The following MALL variants were observed in gnomAD, a reference collection of about 807,000 sequenced individuals.
The protein encoded by MALL is MAL-like protein.
A neutral mutation model predicts 10.3 loss-of-function variants in MALL; 2 were observed. The ratio of observed to expected loss-of-function variants is 0.19; its 90% CI spans 0.08 to 0.61. MALL has a LOEUF of 0.61. Ranked by LOEUF, MALL falls within the 20% of genes least tolerant of loss-of-function variation. The probability of loss-of-function intolerance (pLI) is 0.88; values close to 1 mark genes in which losing one functional copy is unlikely to be tolerated. For missense variants in MALL, 39 were observed against 115.2 expected (o/e 0.34, Z 3.03); for synonymous variants, 27 against 51.8 (o/e 0.52, Z 2.05).
At chr2:110,099,660 C>A (rs1375796225) in intron 1 of MALL, among the ~76,000 whole-genome samples, 1 of 152,090 alleles carries the variant, frequency 6.6e-6, no homozygotes, top group Non-Finnish European at 1.5e-5. Flanking sequence ...CCATTAGGCT[C>A]ATCACGTTCC....
intron 1 of MALL, among the ~76,000 whole-genome samples, chr2:110,100,688 C>T (rs1266267692): frequency 6.6e-6 from 1 of 152,152 alleles, no homozygotes; most frequent in Non-Finnish European, 1.5e-5. Context: ...TCCTGCCCAC[C>T]CCTGGACCAT....
intron 1 of MALL, among the ~76,000 whole-genome samples, chr2:110,113,426 ACT>A (rs1391020106): frequency 1.6e-5 from 2 of 127,046 alleles, no homozygotes; most frequent in Admixed American, 1.8e-4. Flanking sequence ...CGACAGCGAG[ACT>A]CTGTCTCAAA....
At chr2:110,108,005 G>A (rs139305884) in intron 1 of MALL, among the ~76,000 whole-genome samples, 152 of 152,224 alleles carry the variant, frequency 1.0e-3, no homozygotes, top group Admixed American at 3.5e-3. Flanking sequence ...ACTACATCAG[G>A]GGAACACCCT....
intron 1 of MALL, among the ~76,000 whole-genome samples, chr2:110,096,206 G>C (rs1484987875): frequency 6.6e-6 from 1 of 152,118 alleles, no homozygotes; most frequent in Non-Finnish European, 1.5e-5. Context: ...GCTTGAACAG[G>C]TAAGGGAGGC....
chr2:110,116,698 A>T (rs1311925517), upstream of MALL: 1 of 152,310 alleles, frequency 6.6e-6, no homozygotes, highest in Admixed American at 6.5e-5. Context: ...ACCCAGAGGC[A>T]AGCAACTCCT....
chr2:110,109,955 C>T (rs1190001715), intron 1 of MALL, among the ~76,000 whole-genome samples: 1 of 152,076 alleles, frequency 6.6e-6, no homozygotes, highest in South Asian at 2.1e-4. Flanking sequence ...AATTAAATAA[C>T]CTGCTTCTGA....
chr2:110,116,936 C>T (rs1202857474), upstream of MALL, among the ~76,000 whole-genome samples: 1 of 152,100 alleles, frequency 6.6e-6, no homozygotes, highest in Non-Finnish European at 1.5e-5. Context: ...TTAGCAGAAA[C>T]GGTGAATGCC....
At chr2:110,111,702 C>T (rs1465610771) in intron 1 of MALL, among the ~76,000 whole-genome samples, 2 of 151,920 alleles carry the variant, frequency 1.3e-5, no homozygotes, top group Non-Finnish European at 2.9e-5. Context: ...CAGAATACCA[C>T]CATCATTCTT....
At chr2:110,108,625 T>C (rs750876890) in intron 1 of MALL, among the ~76,000 whole-genome samples, 1 of 152,168 alleles carries the variant, frequency 6.6e-6, no homozygotes, top group Non-Finnish European at 1.5e-5. Context: ...TTTGGAGGAA[T>C]GATCAAGGAA....
intron 1 of MALL, among the ~76,000 whole-genome samples, chr2:110,099,708 G>C (rs541424824): frequency 6.6e-6 from 1 of 152,110 alleles, no homozygotes; most frequent in Non-Finnish European, 1.5e-5. Flanking sequence ...CCTGGTCAAC[G>C]AGACAGAGGG....
rs1678777461 is a variant in MALL, at chr2:110,110,301, A to G, written c.105+5387T>C. On this transcript the variant is annotated intron_variant, in intron 1 of 3. Coordinates refer to ENST00000272462, the MANE Select transcript of MALL (RefSeq NM_005434.5). ...AAAAGCTGTTTCTTTGAAAAGATAA[A>G]TAAAATTAATAGACCATTAGCAAGA... Among the ~76,000 whole-genome samples the G allele has an allele frequency of 2.0e-5, 3 of 152,172 alleles. No homozygotes were observed. The South Asian group carries it at 6.2e-4, about 31-fold the overall frequency.
At chr2:110,116,156 G>A (rs1678919469), upstream of MALL, 2 of 207,806 alleles carry the variant, frequency 9.6e-6, no homozygotes, top group South Asian at 1.9e-4. Flanking sequence ...GCTTGGCTAC[G>A]AGGGCTGCGT....
intron 1 of MALL, among the ~76,000 whole-genome samples, chr2:110,095,907 T>G (rs1209805145): frequency 6.6e-6 from 1 of 152,162 alleles, no homozygotes; most frequent in East Asian, 1.9e-4. Flanking sequence ...TTGAGCTTCT[T>G]ACAGCTATGA....
intron 1 of MALL, among the ~76,000 whole-genome samples, chr2:110,113,417 G>T (rs1301913156): frequency 1.7e-5 from 2 of 120,490 alleles, no homozygotes; most frequent in Admixed American, 1.1e-4. Flanking sequence ...CAGCCTGGAC[G>T]ACAGCGAGAC....
chr2:110,117,183 C>A (rs1394796325), upstream of MALL, among the ~76,000 whole-genome samples: 2 of 152,100 alleles, frequency 1.3e-5, no homozygotes, highest in Admixed American at 6.5e-5. Context: ...CCAGTCTCAC[C>A]TACACCACCT....
chr2:110,097,585 G>A (rs1055002653), intron 1 of MALL: 8 of 455,848 alleles, frequency 1.8e-5, no homozygotes, highest in Admixed American at 1.2e-4. Flanking sequence ...TGAGACAGAC[G>A]CTGCCTGAGT....
intron 1 of MALL, among the ~76,000 whole-genome samples, chr2:110,105,027 C>G (rs539836529): frequency 1.3e-5 from 2 of 152,338 alleles, no homozygotes; most frequent in Admixed American, 6.5e-5. Context: ...CCTGACATTT[C>G]CTATGAAGTC....
chr2:110,105,848 C>G (rs952671848), intron 1 of MALL, among the ~76,000 whole-genome samples: 1 of 152,128 alleles, frequency 6.6e-6, no homozygotes, highest in Non-Finnish European at 1.5e-5. Context: ...AGGGGGCTCC[C>G]GGGAAGCCCC....
intron 1 of MALL, among the ~76,000 whole-genome samples, chr2:110,113,282 A>C (rs1039753167): frequency 1.3e-5 from 2 of 150,520 alleles, no homozygotes; most frequent in Non-Finnish European, 3.0e-5. Flanking sequence ...AAAAATACAA[A>C]AAAAAAATTA....
Sources: gnomAD v4.1 joint callset for allele counts (sites outside exome capture counted in the v4.1 genomes callset) on GRCh38, gnomAD v4.1.1 for gene constraint, MANE v1.5 for transcripts, NCBI Gene and HGNC (gene_info 2026-07-23, HGNC 2026-07-21) for gene names.